The following UBP1 variants were observed in gnomAD, a reference collection of about 807,000 sequenced individuals.
UBP1 encodes upstream-binding protein 1.
In UBP1, 22 loss-of-function variants were observed where a neutral mutation model predicts 76.1. That is an observed-to-expected ratio of 0.29 (90% CI 0.21 to 0.41). The LOEUF (loss-of-function observed/expected upper bound fraction) is 0.41, where lower values mean the gene tolerates loss of function less well. Ranked by LOEUF, UBP1 falls within the 10% of genes least tolerant of loss-of-function variation. The pLI, the probability that UBP1 is intolerant of heterozygous loss-of-function variation, is 1.00. For synonymous variants in UBP1, 224 were observed against 237.1 expected (o/e 0.94, Z 0.51); for missense variants, 436 against 668.1 (o/e 0.65, Z 3.83).
Position 33,388,944 on chromosome 3 carries a change from T to C in UBP1, c.*1387A>G, listed in dbSNP as rs901977885. ...AACACAATGAGGATCAAATAGTACA[T>C]TCAAATCAGGACACCTGGGTATATG... On this transcript the variant is annotated 3_prime_UTR_variant, in exon 16 of 16. Coordinates refer to ENST00000283629, the MANE Select transcript of UBP1 (RefSeq NM_014517.5). 2 of 152,272 alleles carry C rather than the reference T, an allele frequency of 1.3e-5. No homozygotes were observed. Among genetic ancestry groups the C allele is most frequent in the South Asian group, 2.1e-4 (1 of 4,830 alleles). The allele number at this position is 152,272 out of a possible 1,614,324, so 9.4% of individuals were successfully genotyped here.
intron 8 of UBP1, among the ~76,000 whole-genome samples, chr3:33,408,369 G>GGT (rs1045701066): frequency 8.6e-5 from 13 of 152,024 alleles, no homozygotes; most frequent in African/African-American, 3.1e-4. Flanking sequence ...TCTTGAAGGA[G>GGT]GTGTGTGTGT....
Position 33,393,378 on chromosome 3 carries a change from A to G in UBP1, c.1467T>C (p.Pro489=). 1.9e-6 allele frequency: 3 copies of G among 1,613,572 alleles called. No homozygotes were observed. Among genetic ancestry groups the G allele is most frequent in the Non-Finnish European group, 2.5e-6 (3 of 1,179,680 alleles). The change falls in exon 14 of 16, where the codon CCT becomes CCC. Residue 489 remains proline, a synonymous_variant. Coordinates refer to ENST00000283629, the MANE Select transcript of UBP1 (RefSeq NM_014517.5). ...ARKLALVFNI[P]LHQINQVYRQ... ...TGTAAACCTGATTAATTTGGTGGAG[A>G]GGGATATTAAACACCAGCGCAAGTT...
intron 7 of UBP1, 79 bp from the exon 8 acceptor site, chr3:33,408,876 C>T (rs777859338): frequency 1.7e-5 from 21 of 1,252,138 alleles, no homozygotes; most frequent in South Asian, 5.0e-5. Context: ...CATGTCTCTT[C>T]AGTCCAATTA....
chr3:33,416,001 C>A (rs11928797), intron 3 of UBP1: 12,531 of 152,200 alleles, frequency 0.082, 750 homozygotes, highest in South Asian at 0.23. Flanking sequence ...CCTTCCCATG[C>A]TTACCCACTA....
chr3:33,390,366 C>G lies in UBP1; in HGVS notation c.1588G>C (p.Glu530Gln), dbSNP rs745489203. 4 of 1,614,058 alleles carry G rather than the reference C, an allele frequency of 2.5e-6. No homozygotes were observed. The highest frequency in any genetic ancestry group is 1.3e-5 in the African/African-American group (1 of 75,038). ...ATTATGTGGATGCCATCACTACTTT[C>G]AGCTGCAGAAAAAGGAAAGACAGTA... is the stretch of plus-strand genomic sequence containing the variant. ...SCFLFSTVKAESSDGIHIILK is the reference protein window; with the variant it reads ...SCFLFSTVKAQSSDGIHIILK Residue 530 changes from glutamate (E) to glutamine (Q), a missense_variant and splice_region_variant, in exon 16 of 16, where the codon GAA (glutamate) becomes CAA (glutamine). Transcript: ENST00000283629.
At chr3:33,396,465 T>C (rs2044000190) in intron 12 of UBP1, 185 bp from the exon 13 acceptor site, 2 of 507,138 alleles carry the variant, frequency 3.9e-6, no homozygotes, top group Non-Finnish European at 7.0e-6. Flanking sequence ...CTATCACAGG[T>C]GGTCTAATAT....
At chr3:33,435,667 T>C (rs772663876) in intron 1 of UBP1, among the ~76,000 whole-genome samples, 1 of 152,128 alleles carries the variant, frequency 6.6e-6, no homozygotes, top group Non-Finnish European at 1.5e-5. Flanking sequence ...CCTAACCTAC[T>C]GAACATCATA....
intron 1 of UBP1, among the ~76,000 whole-genome samples, chr3:33,434,289 C>CTTTTT (rs371209882): frequency 5.9e-5 from 6 of 101,260 alleles, no homozygotes; most frequent in African/African-American, 8.1e-5. Context: ...TCAGCAAATC[C>CTTTTT]TTTTTTTTTT....
upstream of UBP1, chr3:33,440,920 C>T (rs113592042): frequency 5.3e-5 from 8 of 152,328 alleles, 1 homozygote; most frequent in African/African-American, 1.7e-4. Flanking sequence ...GGTTTGCACC[C>T]CATCTGGTGA....
chr3:33,403,486 C>CTCTATCTATCTA lies in UBP1; in HGVS notation c.928-594_928-583dup, dbSNP rs149670278. 129 of 98,466 alleles carry CTCTATCTATCTA rather than the reference C, an allele frequency of 1.3e-3. 1 individual carries two copies. Among genetic ancestry groups the CTCTATCTATCTA allele is most frequent in the Middle Eastern group, 0.011 (2 of 176 alleles). 6.1% of individuals were successfully genotyped at this position (98,466 alleles called of 1,614,324 possible). A position where few individuals can be genotyped will look rare whatever the true frequency, so the allele number is the denominator to read the frequency against. On this transcript the variant is annotated intron_variant, in intron 8 of 15. Coordinates refer to ENST00000283629, the MANE Select transcript of UBP1 (RefSeq NM_014517.5). ...CAACTGTGTACAGTACTACATCTAT[C>CTCTATCTATCTA]TCTATCTATCTATCTATCTATCTAT...
At chr3:33,425,441 TA>T in intron 2 of UBP1, 148 bp downstream of exon 2, 2 of 867,122 alleles carry the variant, frequency 2.3e-6, no homozygotes, top group Non-Finnish European at 1.6e-6. Context: ...CTGCTCACAG[TA>T]AAATTCCTAC....
At position 33,393,359 on chromosome 3, in the gene UBP1, C is replaced by A; in HGVS notation, c.1486G>T (p.Val496Phe). 6.2e-7 allele frequency: 1 copy of A among 1,612,486 alleles called. No individual in the cohort carries two copies. The highest frequency in any genetic ancestry group is 1.1e-5 in the South Asian group (1 of 90,820). ...ATACCGGTGGGACCCTGTCTGTAAA[C>A]CTGATTAATTTGGTGGAGAGGGATA... ...FNIPLHQINQVYRQGPTGIHI... is the reference protein window; with the variant it reads ...FNIPLHQINQFYRQGPTGIHI... The change falls in exon 14 of 16, where the codon GTT becomes TTT. Residue 496 changes from valine to phenylalanine, a missense_variant. Val to Phe is a conservative substitution (Grantham distance 50). Around this residue, in one of 3 missense-constraint regions of UBP1, gnomAD observed 210 missense variants for 272.8 expected, o/e 0.77. Coordinates refer to ENST00000283629, the MANE Select transcript of UBP1 (RefSeq NM_014517.5).
intron 2 of UBP1, among the ~76,000 whole-genome samples, chr3:33,417,186 T>G (rs2044751388): frequency 6.6e-6 from 1 of 152,216 alleles, no homozygotes; most frequent in African/African-American, 2.4e-5. Context: ...TGTAAATCAT[T>G]GGTTTTCAGT....
intron 11 of UBP1, 67 bp downstream of exon 11, chr3:33,400,122 G>C (rs2044165467): frequency 9.2e-7 from 1 of 1,089,652 alleles, no homozygotes; most frequent in African/African-American, 1.7e-5. Flanking sequence ...AAAATATAAA[G>C]TTAATAAAAG....
chr3:33,419,605 G>A (rs2044831609), intron 2 of UBP1, among the ~76,000 whole-genome samples: 1 of 139,992 alleles, frequency 7.1e-6, no homozygotes, highest in African/African-American at 2.7e-5. Context: ...TCCAGCCTGG[G>A]CAACAAGAGG....
At chr3:33,429,666 A>C (rs1005940053) in intron 1 of UBP1, among the ~76,000 whole-genome samples, 2 of 152,238 alleles carry the variant, frequency 1.3e-5, no homozygotes, top group African/African-American at 4.8e-5. Context: ...TGAAAGATCT[A>C]CATGTTGGTA....
At chr3:33,429,916 G>A (rs938524135) in intron 1 of UBP1, among the ~76,000 whole-genome samples, 1 of 152,112 alleles carries the variant, frequency 6.6e-6, no homozygotes, top group African/African-American at 2.4e-5. Context: ...TTCAAAAACA[G>A]TGAAAATTTG....
At chr3:33,394,156 A>G (rs2043873617) in intron 13 of UBP1, among the ~76,000 whole-genome samples, 1 of 151,188 alleles carries the variant, frequency 6.6e-6, no homozygotes, top group Admixed American at 6.6e-5. Flanking sequence ...AGCTGGGACT[A>G]TGGTGGGGGC....
In UBP1 at chr3:33,439,901, G is replaced by A. The variant is rs920916643; in HGVS notation, c.-53C>T. ...CCGCGGCCTCCGCGTCCAGGGCGAA[G>A]GAGCCGGAGCTCCGCTGGCGCGTCC... is the stretch of plus-strand genomic sequence containing the variant. On this transcript the variant is annotated 5_prime_UTR_variant, in exon 1 of 16. Transcript: ENST00000283629. The A allele has an allele frequency of 1.0e-5, 16 of 1,598,980 alleles. No homozygotes were observed. The Admixed American group carries it at 2.0e-4, about 20-fold the overall frequency.
Sources: allele counts gnomAD v4.1 joint callset (sites outside exome capture counted in the v4.1 genomes callset), GRCh38; gene constraint gnomAD v4.1.1; regional missense constraint gnomAD v4.1.1; transcripts MANE v1.5; gene names NCBI Gene and HGNC (gene_info 2026-07-23, HGNC 2026-07-21).